Variants in CNBD1 observed in about 807,000 individuals in gnomAD.
The protein encoded by CNBD1 is cyclic nucleotide-binding domain-containing protein 1.
Under a neutral mutation model 54.4 loss-of-function variants are expected in CNBD1, and 71 were observed. The observed-to-expected ratio is 1.30, with a 90% CI of 1.08 to 1.59. The LOEUF (loss-of-function observed/expected upper bound fraction) is 1.59. CNBD1 is among the 40% of genes most tolerant of loss of function. CNBD1 has a pLI of 0.00. For missense variants in CNBD1, 659 were observed against 518.0 expected (o/e 1.27, Z -2.64); for synonymous variants, 182 against 170.7 (o/e 1.07, Z -0.51).
At chr8:87,337,289 G>A (rs1429959478) in intron 8 of CNBD1, among the ~76,000 whole-genome samples, 2 of 152,156 alleles carry the variant, frequency 1.3e-5, no homozygotes, top group Admixed American at 6.5e-5. Flanking sequence ...GGAGTTATCA[G>A]AGCTAGGAGG....
intron 7 of CNBD1, among the ~76,000 whole-genome samples, chr8:87,285,199 CTG>C (rs1808669289): frequency 6.6e-6 from 1 of 152,122 alleles, no homozygotes; most frequent in South Asian, 2.1e-4. Context: ...TTCCCAGTCT[CTG>C]TAGTCTACTT....
chr8:87,244,349 C>T (rs963385688), intron 6 of CNBD1, among the ~76,000 whole-genome samples: 1 of 151,942 alleles, frequency 6.6e-6, no homozygotes, highest in South Asian at 2.1e-4. Flanking sequence ...GCAGGTTGGC[C>T]CTGAGAAGTT....
intron 4 of CNBD1, among the ~76,000 whole-genome samples, chr8:86,955,673 TG>T (rs1323836758): frequency 6.6e-6 from 1 of 152,240 alleles, no homozygotes; most frequent in Non-Finnish European, 1.5e-5. Context: ...CACTTTTTGA[TG>T]GGGTTGTTTG....
intron 8 of CNBD1, among the ~76,000 whole-genome samples, chr8:87,292,949 T>C (rs1446734678): frequency 6.6e-6 from 1 of 152,106 alleles, no homozygotes; most frequent in Non-Finnish European, 1.5e-5. Flanking sequence ...TCTATAGTAT[T>C]GAATTCTAGT....
chr8:87,271,496 C>A (rs1036870830), intron 6 of CNBD1, among the ~76,000 whole-genome samples: 1 of 151,826 alleles, frequency 6.6e-6, no homozygotes, highest in Non-Finnish European at 1.5e-5. Flanking sequence ...TTAAGTTATT[C>A]ATTGACCTAT....
At chr8:87,394,590 A>T (rs1811375486) in intron 2 of CNBD1, among the ~76,000 whole-genome samples, 1 of 151,900 alleles carries the variant, frequency 6.6e-6, no homozygotes, top group Non-Finnish European at 1.5e-5. Context: ...TGTATAGTCA[A>T]TGCCATGGTG....
At chr8:87,034,472 C>T (rs1262939098) in intron 4 of CNBD1, among the ~76,000 whole-genome samples, 1 of 152,152 alleles carries the variant, frequency 6.6e-6, no homozygotes, top group East Asian at 1.9e-4. Context: ...ATTACAGTAG[C>T]ATGGTATGTA....
chr8:87,077,715 G>C (rs1317116503), intron 4 of CNBD1, among the ~76,000 whole-genome samples: 1 of 151,768 alleles, frequency 6.6e-6, no homozygotes, highest in Non-Finnish European at 1.5e-5. Flanking sequence ...ATGGTTTCCA[G>C]CTTCATCCAT....
At chr8:87,082,183 C>T (rs1178059862) in intron 4 of CNBD1, among the ~76,000 whole-genome samples, 4 of 152,164 alleles carry the variant, frequency 2.6e-5, no homozygotes, top group Admixed American at 2.0e-4. Flanking sequence ...ATTAATCAAT[C>T]GACCTTGTGA....
intron 2 of CNBD1, among the ~76,000 whole-genome samples, chr8:87,390,138 A>G (rs1811277586): frequency 6.6e-6 from 1 of 151,872 alleles, no homozygotes; most frequent in Admixed American, 6.6e-5. Context: ...CTAAAACCAT[A>G]AAAACCCTAG....
At chr8:86,965,986 G>A (rs932449114) in intron 4 of CNBD1, among the ~76,000 whole-genome samples, 1 of 152,124 alleles carries the variant, frequency 6.6e-6, no homozygotes, top group Non-Finnish European at 1.5e-5. Flanking sequence ...TCCTGTCTCT[G>A]CCTTCTTCAT....
intron 8 of CNBD1, among the ~76,000 whole-genome samples, chr8:87,313,101 A>C (rs80118805): frequency 0.044 from 6,665 of 152,098 alleles, 193 homozygotes; most frequent in Non-Finnish European, 0.06. Flanking sequence ...AAAGATGGGC[A>C]AGGATTTTTA....
intron 8 of CNBD1, among the ~76,000 whole-genome samples, chr8:87,297,730 A>G (rs945702518): frequency 6.6e-6 from 1 of 151,878 alleles, no homozygotes. Flanking sequence ...TGATTATCTC[A>G]AGAAAATGAA....
At chr8:87,151,190 G>A (rs903527682) in intron 4 of CNBD1, among the ~76,000 whole-genome samples, 10 of 152,130 alleles carry the variant, frequency 6.6e-5, no homozygotes, top group African/African-American at 1.7e-4. Flanking sequence ...AGATGTCATC[G>A]TTTTCTGTCC....
chr8:86,935,812 TC>T (rs1809536968), intron 3 of CNBD1, among the ~76,000 whole-genome samples: 1 of 152,176 alleles, frequency 6.6e-6, no homozygotes, highest in African/African-American at 2.4e-5. Flanking sequence ...TGAGATCTGA[TC>T]TTAGCTCATG....
intron 10 of CNBD1, among the ~76,000 whole-genome samples, chr8:87,375,972 A>C (rs1412309004): frequency 6.6e-6 from 1 of 151,932 alleles, no homozygotes; most frequent in East Asian, 1.9e-4. Flanking sequence ...TGCGATAAAA[A>C]TTTAATGGGC....
At chr8:86,960,423 G>A (rs1201997790) in intron 4 of CNBD1, among the ~76,000 whole-genome samples, 2 of 152,194 alleles carry the variant, frequency 1.3e-5, no homozygotes, top group Non-Finnish European at 2.9e-5. Context: ...CAAGGTGGCA[G>A]TGAGGCTGGG....
intron 8 of CNBD1, among the ~76,000 whole-genome samples, chr8:87,331,404 G>C (rs62526771): frequency 0.044 from 6,676 of 152,216 alleles, 193 homozygotes; most frequent in Non-Finnish European, 0.06. Flanking sequence ...ATTCCTTTCT[G>C]TAGCTGCATA....
chr8:87,118,314 CAAAAAAAA>C (rs34800282), intron 4 of CNBD1, among the ~76,000 whole-genome samples: 45,358 of 109,692 alleles, frequency 0.41, 7,523 homozygotes, highest in Admixed American at 0.47. Flanking sequence ...GACTCTGTCT[CAAAAAAAA>C]AAAAAAAAAA....
Sources: gnomAD v4.1 joint callset for allele counts (sites outside exome capture counted in the v4.1 genomes callset) on GRCh38, gnomAD v4.1.1 for gene constraint, MANE v1.5 for transcripts, NCBI Gene and HGNC (gene_info 2026-07-23, HGNC 2026-07-21) for gene names.